SPIDR: variants seen among roughly 807,000 people sequenced by gnomAD.
SPIDR encodes the protein scaffold protein involved in DNA repair.
In SPIDR, 93 loss-of-function variants were observed where a neutral mutation model predicts 104.6. That is an observed-to-expected ratio of 0.89 (90% CI 0.75 to 1.06). SPIDR has a LOEUF of 1.06. Among genes scored for constraint, SPIDR ranks in the 50% least tolerant of loss-of-function variants. The probability of loss-of-function intolerance (pLI) is 0.00; values close to 1 mark genes in which losing one functional copy is unlikely to be tolerated. For missense variants in SPIDR, 1,154 were observed against 1,111.2 expected, an observed-to-expected ratio of 1.04 and a Z score of -0.55; for synonymous variants, 431 against 416.9, an observed-to-expected ratio of 1.03 and a Z score of -0.41.
At chr8:47,265,301 C>T (rs2033705106) in intron 1 of SPIDR, among the ~76,000 whole-genome samples, 1 of 151,440 alleles carries the variant, frequency 6.6e-6, no homozygotes, top group Admixed American at 6.6e-5. Flanking sequence ...GTGATCCTCC[C>T]ATTTCGGCCT....
At chr8:47,448,274 G>A (rs1554703428) in intron 8 of SPIDR, among the ~76,000 whole-genome samples, 1 of 152,078 alleles carries the variant, frequency 6.6e-6, no homozygotes, top group Non-Finnish European at 1.5e-5. Context: ...TTGAAACATA[G>A]TAGGCACTCA....
At position 47,511,798 on chromosome 8, in the gene SPIDR, T is replaced by C. The variant is rs1264891204; in HGVS notation, c.1097+71256T>C. The C allele has an allele frequency of 3.2e-5, 36 of 1,130,304 alleles. No individual in the cohort carries two copies. In the South Asian group the frequency reaches 3.9e-4, roughly 12 times the overall value. 70.0% of individuals were successfully genotyped at this position (1,130,304 alleles called of 1,614,324 possible). A position where few individuals can be genotyped will look rare whatever the true frequency, so the allele number is the denominator to read the frequency against. Reference sequence around the variant, plus strand: ...TTTAAAGAGATCATCCACCAGCTCATTGGAACTTTTCTTTCTGGGAGGGCC... The same window carrying C: ...TTTAAAGAGATCATCCACCAGCTCACTGGAACTTTTCTTTCTGGGAGGGCC... On this transcript the variant is annotated intron_variant, in intron 8 of 19. Transcript: ENST00000297423.
At chr8:47,664,647 C>G (rs1450744877) in intron 10 of SPIDR, among the ~76,000 whole-genome samples, 1 of 150,896 alleles carries the variant, frequency 6.6e-6, no homozygotes, top group Non-Finnish European at 1.5e-5. Flanking sequence ...GAAGCTCACA[C>G]CTGTAATCCA....
chr8:47,367,987 G>A (rs181347113), intron 5 of SPIDR, among the ~76,000 whole-genome samples: 101 of 152,220 alleles, frequency 6.6e-4, no homozygotes, highest in African/African-American at 2.2e-3. Flanking sequence ...ATCGAGTGGC[G>A]TATAAACAAT....
At chr8:47,627,531 A>G (rs1191883688) in intron 10 of SPIDR, among the ~76,000 whole-genome samples, 2 of 152,222 alleles carry the variant, frequency 1.3e-5, no homozygotes, top group Non-Finnish European at 2.9e-5. Context: ...TTCATACGAA[A>G]ACCAAAGTAC....
intron 14 of SPIDR, among the ~76,000 whole-genome samples, chr8:47,702,803 C>G (rs2080500733): frequency 6.6e-6 from 1 of 152,160 alleles, no homozygotes. Context: ...ACATTGCCTC[C>G]TTGAGGGTGT....
At chr8:47,266,154 G>T (rs1426760354) in intron 1 of SPIDR, among the ~76,000 whole-genome samples, 2 of 143,658 alleles carry the variant, frequency 1.4e-5, no homozygotes, top group African/African-American at 5.3e-5. Context: ...TTTTGAGTTG[G>T]AGTCTCACTC....
chr8:47,615,049 C>G (rs1224209190), intron 10 of SPIDR, among the ~76,000 whole-genome samples: 1 of 151,766 alleles, frequency 6.6e-6, no homozygotes, highest in Non-Finnish European at 1.5e-5. Context: ...TTGATAGTGT[C>G]CTTTGATACA....
intron 8 of SPIDR, among the ~76,000 whole-genome samples, chr8:47,522,937 C>CT (rs897394654): frequency 6.6e-6 from 1 of 151,718 alleles, no homozygotes; most frequent in South Asian, 2.1e-4. Context: ...TTAAAGTGAT[C>CT]TTTTTTTGTT....
At chr8:47,459,777 A>G (rs1243595169) in intron 8 of SPIDR, among the ~76,000 whole-genome samples, 1 of 152,088 alleles carries the variant, frequency 6.6e-6, no homozygotes, top group African/African-American at 2.4e-5. Flanking sequence ...ATTTAAGGCT[A>G]TGAAGTTTCC....
At chr8:47,356,444 G>A (rs2054567961) in intron 5 of SPIDR, among the ~76,000 whole-genome samples, 1 of 152,082 alleles carries the variant, frequency 6.6e-6, no homozygotes, top group African/African-American at 2.4e-5. Context: ...TATGTCTCCT[G>A]ATATAATCAA....
chr8:47,351,565 A>G (rs1408115702), intron 5 of SPIDR, among the ~76,000 whole-genome samples: 1 of 152,236 alleles, frequency 6.6e-6, no homozygotes, highest in Non-Finnish European at 1.5e-5. Flanking sequence ...GTTAAACAAA[A>G]TGATGTCTTA....
intron 8 of SPIDR, among the ~76,000 whole-genome samples, chr8:47,441,560 C>T (rs782408849): frequency 2.7e-5 from 4 of 150,772 alleles, no homozygotes; most frequent in Non-Finnish European, 4.4e-5. Context: ...GCAGTTAGTT[C>T]GTTCCCCATT....
chr8:47,470,374 C>T (rs1178917706), intron 8 of SPIDR, among the ~76,000 whole-genome samples: 1 of 151,936 alleles, frequency 6.6e-6, no homozygotes, highest in Non-Finnish European at 1.5e-5. Flanking sequence ...CCGCAACCTC[C>T]ACCTCCCAGA....
At chr8:47,712,574 G>A in intron 14 of SPIDR, 88 bp from the exon 15 acceptor site, 2 of 1,312,694 alleles carry the variant, frequency 1.5e-6, no homozygotes, top group South Asian at 2.8e-5. Context: ...ATCTTAAATT[G>A]TTAGTATATG....
chr8:47,491,138 T>C, intron 8 of SPIDR, among the ~76,000 whole-genome samples: 1 of 152,224 alleles, frequency 6.6e-6, no homozygotes. Flanking sequence ...TAAATCAACA[T>C]GAATACAGAA....
intron 6 of SPIDR, among the ~76,000 whole-genome samples, chr8:47,401,892 T>A (rs1157571566): frequency 6.6e-6 from 1 of 152,180 alleles, no homozygotes; most frequent in South Asian, 2.1e-4. Flanking sequence ...ATGGGAGACT[T>A]GTACACCCCA....
At chr8:47,644,381 C>G (rs1157697962) in intron 10 of SPIDR, among the ~76,000 whole-genome samples, 3 of 152,206 alleles carry the variant, frequency 2.0e-5, no homozygotes, top group African/African-American at 4.8e-5. Context: ...CAAGTTGTTT[C>G]ATGTGGCACA....
At chr8:47,623,422 A>C (rs568659656) in intron 10 of SPIDR, among the ~76,000 whole-genome samples, 1 of 152,236 alleles carries the variant, frequency 6.6e-6, no homozygotes, top group African/African-American at 2.4e-5. Flanking sequence ...AAATGCTCCA[A>C]TTAAAAGACA....
Sources: allele counts gnomAD v4.1 joint callset (sites outside exome capture counted in the v4.1 genomes callset), GRCh38; gene constraint gnomAD v4.1.1; transcripts MANE v1.5; gene names NCBI Gene and HGNC (gene_info 2026-07-23, HGNC 2026-07-21).